Variants in PCDH9 observed in about 807,000 individuals in gnomAD.
The protein encoded by PCDH9 is protocadherin-9.
Under a neutral mutation model 70.6 loss-of-function variants are expected in PCDH9, and 24 were observed. The observed-to-expected ratio is 0.34, with a 90% CI of 0.25 to 0.48. The LOEUF (loss-of-function observed/expected upper bound fraction) is 0.48, where lower values mean the gene tolerates loss of function less well. Ranked by LOEUF, PCDH9 falls within the 20% of genes least tolerant of loss-of-function variation. The pLI, the probability that PCDH9 is intolerant of heterozygous loss-of-function variation, is 0.99. For synonymous variants in PCDH9, 562 were observed against 558.5 expected, an observed-to-expected ratio of 1.01 and a Z score of -0.09; for missense variants, 1,281 against 1,503.6, an observed-to-expected ratio of 0.85 and a Z score of 2.45.
intron 2 of PCDH9, among the ~76,000 whole-genome samples, chr13:67,061,852 A>G (rs2085545466): frequency 1.3e-5 from 2 of 152,148 alleles, no homozygotes; most frequent in African/African-American, 4.8e-5. Flanking sequence ...CCTTTCTTGA[A>G]TCGTCTTTTG....
chr13:66,821,895 T>C (rs2080717338), intron 3 of PCDH9, among the ~76,000 whole-genome samples: 1 of 152,184 alleles, frequency 6.6e-6, no homozygotes, highest in African/African-American at 2.4e-5. Flanking sequence ...ACAAATTTCT[T>C]ACTGAGTTTC....
At chr13:66,495,322 G>C (rs1017363737) in intron 4 of PCDH9, among the ~76,000 whole-genome samples, 1 of 152,134 alleles carries the variant, frequency 6.6e-6, no homozygotes, top group Non-Finnish European at 1.5e-5. Context: ...TTACAGGCAG[G>C]CTTTAAGCAA....
Position 66,849,517 on chromosome 13 carries a change from T to TAGAGAGAGAGAG in PCDH9, c.3138+53975_3138+53986dup, listed in dbSNP as rs58589562. On this transcript the variant is annotated intron_variant, in intron 3 of 4. Transcript: ENST00000377865. ...ATATATATATATATATATATATATATAGAGAGAGAGAGAGAGAGAGAGAGA... is the reference window on the plus strand; with the variant it reads ...ATATATATATATATATATATATATATAGAGAGAGAGAGAGAGAGAGAGAGAGAGAGAGAGAGA... Among the ~76,000 whole-genome samples the TAGAGAGAGAGAG allele has an allele frequency of 2.5e-3, 162 of 63,552 alleles. 1 individual carries two copies. The highest frequency in any genetic ancestry group is 7.1e-3 in the African/African-American group (86 of 12,056). 41.7% of individuals were successfully genotyped at this position (63,552 alleles called of 152,430 possible). A position where few individuals can be genotyped will look rare whatever the true frequency, so the allele number is the denominator to read the frequency against.
intron 3 of PCDH9, among the ~76,000 whole-genome samples, chr13:66,704,628 CG>C (rs1242193664): frequency 1.3e-5 from 2 of 151,922 alleles, no homozygotes; most frequent in Admixed American, 6.6e-5. Context: ...ATTATAATAT[CG>C]CAAGACAGAA....
intron 2 of PCDH9, among the ~76,000 whole-genome samples, chr13:67,182,526 G>A (rs562904674): frequency 1.1e-3 from 163 of 151,824 alleles, no homozygotes; most frequent in African/African-American, 3.6e-3. Flanking sequence ...CATAGTAATC[G>A]AAATGTTCTC....
At chr13:66,420,292 C>T (rs375122814) in intron 4 of PCDH9, among the ~76,000 whole-genome samples, 5 of 152,180 alleles carry the variant, frequency 3.3e-5, no homozygotes, top group African/African-American at 4.8e-5. Flanking sequence ...AAGAGAGCAG[C>T]GGATCTCCCA....
chr13:66,419,572 G>A (rs1957525344), intron 4 of PCDH9, among the ~76,000 whole-genome samples: 1 of 151,952 alleles, frequency 6.6e-6, no homozygotes, highest in South Asian at 2.1e-4. Context: ...CCCTCCACTA[G>A]TTGAGGGAAG....
At chr13:66,653,391 C>CA (rs2077879736) in intron 3 of PCDH9, among the ~76,000 whole-genome samples, 1 of 151,988 alleles carries the variant, frequency 6.6e-6, no homozygotes. Flanking sequence ...ATACATATGG[C>CA]AAACAGGTAA....
intron 3 of PCDH9, among the ~76,000 whole-genome samples, chr13:66,743,612 T>C (rs1433005907): frequency 2.6e-5 from 4 of 152,238 alleles, no homozygotes; most frequent in Non-Finnish European, 1.5e-5. Flanking sequence ...AACAATGTAT[T>C]GTATGCTCAA....
At chr13:67,133,493 T>A in intron 2 of PCDH9, among the ~76,000 whole-genome samples, 1 of 152,128 alleles carries the variant, frequency 6.6e-6, no homozygotes, top group Non-Finnish European at 1.5e-5. Flanking sequence ...GATTACATAA[T>A]ATAGGATGCT....
intron 2 of PCDH9, among the ~76,000 whole-genome samples, chr13:67,026,781 G>A (rs1397187719): frequency 2.6e-5 from 4 of 151,646 alleles, no homozygotes; most frequent in African/African-American, 9.7e-5. Flanking sequence ...CAGACAAACA[G>A]AGAGCCAAAT....
intron 2 of PCDH9, among the ~76,000 whole-genome samples, chr13:66,936,084 A>G (rs1191200812): frequency 1.3e-5 from 2 of 152,198 alleles, no homozygotes; most frequent in African/African-American, 4.8e-5. Flanking sequence ...ACTCTGTCTC[A>G]AAAAACAAAA....
chr13:66,388,609 C>A (rs891172728), intron 4 of PCDH9, among the ~76,000 whole-genome samples: 3 of 151,958 alleles, frequency 2.0e-5, no homozygotes, highest in African/African-American at 7.2e-5. Context: ...AATGTTCATG[C>A]CTGTGATCCA....
intron 4 of PCDH9, among the ~76,000 whole-genome samples, chr13:66,322,098 ATGCTAAATTGG>A (rs1434875193): frequency 1.3e-5 from 2 of 151,786 alleles, no homozygotes; most frequent in Non-Finnish European, 1.5e-5. Flanking sequence ...TTTGAAATTG[ATGCTAAATTGG>A]TGTCACATTA....
intron 4 of PCDH9, among the ~76,000 whole-genome samples, chr13:66,471,154 T>G (rs1282352335): frequency 6.6e-6 from 1 of 151,942 alleles, no homozygotes; most frequent in Non-Finnish European, 1.5e-5. Flanking sequence ...TCAATCTTTG[T>G]TTTCTACTTA....
intron 2 of PCDH9, among the ~76,000 whole-genome samples, chr13:67,107,819 C>T (rs762897363): frequency 2.0e-5 from 3 of 152,208 alleles, no homozygotes; most frequent in East Asian, 3.9e-4. Context: ...GAGAGAAGAG[C>T]TACAGCCCTT....
chr13:66,983,029 A>G (rs1379884758), intron 2 of PCDH9, among the ~76,000 whole-genome samples: 1 of 152,200 alleles, frequency 6.6e-6, no homozygotes, highest in Admixed American at 6.5e-5. Flanking sequence ...AAGTTCTGAG[A>G]AATGGGGCAG....
At chr13:66,547,215 T>A (rs974654461) in intron 4 of PCDH9, among the ~76,000 whole-genome samples, 1 of 152,214 alleles carries the variant, frequency 6.6e-6, no homozygotes, top group Non-Finnish European at 1.5e-5. Context: ...ACTATTGAGA[T>A]CACAGTAAAG....
intron 4 of PCDH9, among the ~76,000 whole-genome samples, chr13:66,308,226 T>A (rs1955502747): frequency 1.3e-5 from 2 of 152,054 alleles, no homozygotes; most frequent in South Asian, 4.1e-4. Flanking sequence ...TCTTTAAACT[T>A]TTTTTTACAT....
Sources: allele counts gnomAD v4.1 joint callset (sites outside exome capture counted in the v4.1 genomes callset), GRCh38; gene constraint gnomAD v4.1.1; transcripts MANE v1.5; gene names NCBI Gene and HGNC (gene_info 2026-07-23, HGNC 2026-07-21).